NRXN1: variants seen among roughly 807,000 people sequenced by gnomAD.
NRXN1 encodes the protein neurexin-1.
NRXN1 carries 39 observed loss-of-function variants against 150.9 expected under a neutral mutation model. The observed-to-expected ratio is 0.26, with a 90% CI of 0.20 to 0.34. The LOEUF is 0.34. Among genes scored for constraint, NRXN1 ranks in the 10% least tolerant of loss-of-function variants. NRXN1 has a pLI of 1.00. For missense variants in NRXN1, 1,815 were observed against 1,949.9 expected (o/e 0.93, Z 1.30); for synonymous variants, 924 against 757.0 (o/e 1.22, Z -3.62).
chr2:50,800,775 C>T (rs1041630412), intron 5 of NRXN1, among the ~76,000 whole-genome samples: 2 of 152,220 alleles, frequency 1.3e-5, no homozygotes, highest in African/African-American at 2.4e-5. Context: ...TTCTCGAACT[C>T]CTGACTTTAG....
intron 5 of NRXN1, among the ~76,000 whole-genome samples, chr2:50,857,818 TA>T (rs72265957): frequency 1.3e-5 from 2 of 151,598 alleles, no homozygotes; most frequent in African/African-American, 4.8e-5. Flanking sequence ...CAAAATAGAT[TA>T]AAAAAAACAG....
chr2:50,490,448 G>T (rs1013358416), intron 15 of NRXN1, among the ~76,000 whole-genome samples: 6 of 152,142 alleles, frequency 3.9e-5, no homozygotes, highest in Non-Finnish European at 8.8e-5. Context: ...TTGGACTAAA[G>T]AAGTGAGCCT....
At chr2:50,425,028 A>C (rs906043105) in intron 17 of NRXN1, among the ~76,000 whole-genome samples, 2 of 152,320 alleles carry the variant, frequency 1.3e-5, no homozygotes, top group East Asian at 3.9e-4. Flanking sequence ...CAGAATAAGA[A>C]AAATTGTGTG....
intron 21 of NRXN1, among the ~76,000 whole-genome samples, chr2:49,964,685 C>A (rs559909710): frequency 6.6e-6 from 1 of 151,728 alleles, no homozygotes; most frequent in South Asian, 2.1e-4. Flanking sequence ...ACTAAAAATA[C>A]GAAAAATTAG....
chr2:50,614,037 G>C (rs1678627983), intron 8 of NRXN1, among the ~76,000 whole-genome samples: 1 of 152,226 alleles, frequency 6.6e-6, no homozygotes, highest in African/African-American at 2.4e-5. Context: ...AAAGTGAAGT[G>C]GGAAAGCAAA....
chr2:50,646,076 C>G (rs1684773256), intron 5 of NRXN1, among the ~76,000 whole-genome samples: 1 of 151,878 alleles, frequency 6.6e-6, no homozygotes, highest in Non-Finnish European at 1.5e-5. Flanking sequence ...AGGGAACATT[C>G]CAGGCATCCA....
intron 5 of NRXN1, among the ~76,000 whole-genome samples, chr2:50,769,670 C>T (rs1274492931): frequency 6.6e-6 from 1 of 152,008 alleles, no homozygotes; most frequent in Non-Finnish European, 1.5e-5. Flanking sequence ...GGAAATTCTA[C>T]CTGATCCTTT....
intron 12 of NRXN1, among the ~76,000 whole-genome samples, chr2:50,513,834 T>C (rs2092544683): frequency 6.6e-6 from 1 of 152,104 alleles, no homozygotes; most frequent in South Asian, 2.1e-4. Flanking sequence ...CAAAAACCCA[T>C]AGCAGTTATA....
chr2:50,283,198 C>T (rs955783593), intron 17 of NRXN1, among the ~76,000 whole-genome samples: 1 of 152,076 alleles, frequency 6.6e-6, no homozygotes, highest in Admixed American at 6.5e-5. Flanking sequence ...GTTCTGTAAA[C>T]CTTAGAAGTA....
chr2:50,219,943 TTATATATATAATATATATATTATATA>T (rs1449438316), intron 18 of NRXN1, among the ~76,000 whole-genome samples: 1 of 75,500 alleles, frequency 1.3e-5, no homozygotes, highest in Non-Finnish European at 2.3e-5. Context: ...ATATTATATA[TTATATATATAATATATATATTATATA>T]TATATAATAT....
At chr2:50,889,515 C>T (rs1319564340) in intron 5 of NRXN1, among the ~76,000 whole-genome samples, 2 of 151,622 alleles carry the variant, frequency 1.3e-5, no homozygotes, top group African/African-American at 2.4e-5. Flanking sequence ...GCTTTCTTTC[C>T]GATTCTATCT....
intron 5 of NRXN1, among the ~76,000 whole-genome samples, chr2:50,663,549 C>G (rs1340252563): frequency 6.6e-6 from 1 of 151,956 alleles, no homozygotes; most frequent in Non-Finnish European, 1.5e-5. Context: ...AGAGAAAATG[C>G]AAAAACACAT....
At chr2:50,104,397 G>C (rs1349495911) in intron 18 of NRXN1, among the ~76,000 whole-genome samples, 2 of 151,968 alleles carry the variant, frequency 1.3e-5, no homozygotes, top group Admixed American at 1.3e-4. Context: ...AAACCTAATA[G>C]AGAAGGTAAA....
At chr2:50,251,173 G>A (rs1377382383) in intron 17 of NRXN1, among the ~76,000 whole-genome samples, 2 of 151,724 alleles carry the variant, frequency 1.3e-5, no homozygotes, top group African/African-American at 4.8e-5. Context: ...TCATCCTGAT[G>A]CTCTCTCTCC....
At position 49,920,704 on chromosome 2, in the gene NRXN1, G is replaced by A. The variant is rs914600973; in HGVS notation, c.*1240C>T. The A allele has an allele frequency of 1.2e-4, 2 of 16,182 alleles. No homozygotes were observed. The highest frequency in any genetic ancestry group is 7.5e-4 in the Admixed American group (1 of 1,330). 1.0% of individuals were successfully genotyped at this position (16,182 alleles called of 1,614,324 possible). On this transcript the variant is annotated 3_prime_UTR_variant, in exon 23 of 23. Transcript: ENST00000401669. ...GATGGATTGCTGTGGATTCGTGTGT[G>A]TGTGTGTGTGTGTGTGTGTGTGTGT...
At chr2:50,321,918 T>G (rs935929127) in intron 17 of NRXN1, among the ~76,000 whole-genome samples, 2 of 152,072 alleles carry the variant, frequency 1.3e-5, no homozygotes, top group African/African-American at 2.4e-5. Flanking sequence ...ATTTTTATAT[T>G]TACTGTAATA....
rs141954572 is a variant in NRXN1 at position 50,714,573 on chromosome 2, T to C, written c.833-90958A>G. 5.5e-4 allele frequency among the ~76,000 whole-genome samples: 83 copies of C among 152,292 alleles called. 1 individual carries two copies. In the East Asian group the frequency reaches 0.015, roughly 28 times the overall value. On this transcript the variant is annotated intron_variant, in intron 5 of 22. Transcript: ENST00000401669. ...TAAGGTAAAAACAGATGAATATTAA[T>C]TGGTTCATTTTATAGCACCAAGTAC...
chr2:50,855,736 G>C (rs1049905651), intron 5 of NRXN1, among the ~76,000 whole-genome samples: 1 of 151,986 alleles, frequency 6.6e-6, no homozygotes, highest in Non-Finnish European at 1.5e-5. Context: ...TATTTAAAAA[G>C]AGGAAAGGAC....
intron 17 of NRXN1, among the ~76,000 whole-genome samples, chr2:50,434,284 G>C (rs1018971635): frequency 6.6e-6 from 1 of 151,436 alleles, no homozygotes; most frequent in Non-Finnish European, 1.5e-5. Context: ...GGGTTTCACC[G>C]TGTTGGCCAG....
Sources: allele counts gnomAD v4.1 joint callset (sites outside exome capture counted in the v4.1 genomes callset), GRCh38; gene constraint gnomAD v4.1.1; transcripts MANE v1.5; gene names NCBI Gene and HGNC (gene_info 2026-07-23, HGNC 2026-07-21).